The following MCC variants were observed in gnomAD, a reference collection of about 807,000 sequenced individuals.
MCC encodes the protein MCC regulator of Wnt signaling pathway.
MCC carries 90 observed loss-of-function variants against 116.2 expected under a neutral mutation model. The observed-to-expected ratio is 0.77, with a 90% confidence interval of 0.65 to 0.92. MCC has a LOEUF of 0.92. Ranked by LOEUF, MCC falls within the 40% of genes least tolerant of loss-of-function variation. The pLI is 0.00. For synonymous variants in MCC, 578 were observed against 510.5 expected, an observed-to-expected ratio of 1.13 and a Z score of -1.78; for missense variants, 1,516 against 1,312.2, an observed-to-expected ratio of 1.16 and a Z score of -2.40.
chr5:113,169,071 G>T (rs1179396196), intron 3 of MCC, among the ~76,000 whole-genome samples: 2 of 151,948 alleles, frequency 1.3e-5, no homozygotes, highest in Non-Finnish European at 1.5e-5. Flanking sequence ...CTCCCTTAAA[G>T]AAATCTTGAA....
intron 3 of MCC, among the ~76,000 whole-genome samples, chr5:113,247,900 G>C (rs1472264053): frequency 6.6e-6 from 1 of 152,114 alleles, no homozygotes; most frequent in Non-Finnish European, 1.5e-5. Context: ...GTCAGATGCT[G>C]AACTAAAGCC....
intron 1 of MCC, among the ~76,000 whole-genome samples, chr5:113,481,104 T>G (rs1244109902): frequency 6.6e-6 from 1 of 152,118 alleles, no homozygotes; most frequent in Admixed American, 6.6e-5. Context: ...TATGAAGAAG[T>G]TTTAGAATTA....
intron 2 of MCC, among the ~76,000 whole-genome samples, chr5:113,361,855 ACTCTTGGACTTCCACCAGCAACCC>A (rs1020965978): frequency 8.5e-5 from 13 of 152,058 alleles, no homozygotes; most frequent in African/African-American, 2.9e-4. Context: ...TGGCCTTGGG[ACTCTTGGACTTCCACCAGCAACCC>A]CTCTGGATCT....
chr5:113,089,387 T>G (rs1256806828), intron 8 of MCC, among the ~76,000 whole-genome samples: 1 of 152,230 alleles, frequency 6.6e-6, no homozygotes, highest in African/African-American at 2.4e-5. Flanking sequence ...GTTGTTACCC[T>G]CTGGTATTTC....
In MCC at chr5:113,180,521, A is replaced by G. The variant is rs533426345; in HGVS notation, c.628-29099T>C. On this transcript the variant is annotated intron_variant, in intron 3 of 18. Coordinates refer to ENST00000408903, the MANE Select transcript of MCC (RefSeq NM_001085377.2). ...TGAGATGAGAATAGATGGACAGGAG[A>G]CTATTCTTCTAGTTTGGGGGCTCTT... 9.9e-5 allele frequency among the ~76,000 whole-genome samples: 15 copies of G among 152,230 alleles called. No homozygotes were observed. In the South Asian group the frequency reaches 2.5e-3, roughly 25 times the overall value.
chr5:113,201,162 G>C (rs1199534548), intron 3 of MCC, among the ~76,000 whole-genome samples: 1 of 152,044 alleles, frequency 6.6e-6, no homozygotes, highest in Non-Finnish European at 1.5e-5. Context: ...GAGATGGGAG[G>C]ATCACCTGAG....
chr5:113,138,230 C>T (rs1222186911), intron 5 of MCC, among the ~76,000 whole-genome samples: 2 of 152,092 alleles, frequency 1.3e-5, no homozygotes, highest in Non-Finnish European at 2.9e-5. Context: ...AGGCTGATCT[C>T]AAACTCCTGT....
intron 10 of MCC, among the ~76,000 whole-genome samples, chr5:113,083,737 G>A (rs1431651561): frequency 6.6e-6 from 1 of 152,122 alleles, no homozygotes; most frequent in Non-Finnish European, 1.5e-5. Flanking sequence ...CCCCTTTCAA[G>A]ATGGATGTGC....
At chr5:113,479,888 G>C (rs914877245) in intron 1 of MCC, among the ~76,000 whole-genome samples, 2 of 152,110 alleles carry the variant, frequency 1.3e-5, no homozygotes, top group Admixed American at 6.5e-5. Flanking sequence ...ATCTCACAAA[G>C]GCTCTCTTTC....
intron 17 of MCC, among the ~76,000 whole-genome samples, chr5:113,030,595 G>A (rs1580875098): frequency 6.6e-6 from 1 of 152,074 alleles, no homozygotes; most frequent in Non-Finnish European, 1.5e-5. Flanking sequence ...TGGGAGGATC[G>A]CTTGAGTCCA....
chr5:113,151,177 G>C, intron 4 of MCC, 132 bp downstream of exon 4: 1 of 633,926 alleles, frequency 1.6e-6, no homozygotes, highest in Non-Finnish European at 2.8e-6. Flanking sequence ...AGCCAGAGCA[G>C]ACCAAGACAG....
chr5:113,172,611 G>A (rs1360254855), intron 3 of MCC, among the ~76,000 whole-genome samples: 1 of 152,168 alleles, frequency 6.6e-6, no homozygotes, highest in Non-Finnish European at 1.5e-5. Context: ...CTCCACCCAT[G>A]GCCATCTGTC....
At chr5:113,421,031 A>T (rs896907156) in intron 1 of MCC, among the ~76,000 whole-genome samples, 29 of 150,020 alleles carry the variant, frequency 1.9e-4, no homozygotes, top group African/African-American at 5.6e-4. Context: ...TTATTTATTT[A>T]TTTTTTTTTT....
intron 1 of MCC, among the ~76,000 whole-genome samples, chr5:113,409,540 T>C (rs1352120388): frequency 6.6e-6 from 1 of 152,050 alleles, no homozygotes; most frequent in Non-Finnish European, 1.5e-5. Flanking sequence ...CTTGTAAAGA[T>C]GGGGTCTCAC....
intron 6 of MCC, among the ~76,000 whole-genome samples, chr5:113,115,601 C>G (rs1424507551): frequency 1.3e-5 from 2 of 152,100 alleles, no homozygotes; most frequent in Non-Finnish European, 2.9e-5. Context: ...TCTAGGATCC[C>G]CTGCTCTGCT....
At chr5:113,344,276 C>T (rs115000016) in intron 2 of MCC, among the ~76,000 whole-genome samples, 4,896 of 152,218 alleles carry the variant, frequency 0.032, 111 homozygotes, top group East Asian at 0.075. Context: ...TCCCAGCAGT[C>T]GGAACTTGAG....
At chr5:113,087,797 T>TA (rs146528308) in intron 8 of MCC, among the ~76,000 whole-genome samples, 9 of 149,656 alleles carry the variant, frequency 6.0e-5, no homozygotes, top group Admixed American at 1.3e-4. Context: ...TATCTCTATT[T>TA]AAAAAAAAAT....
At chr5:113,089,042 G>A (rs926989160) in intron 8 of MCC, among the ~76,000 whole-genome samples, 1 of 152,212 alleles carries the variant, frequency 6.6e-6, no homozygotes, top group African/African-American at 2.4e-5. Flanking sequence ...GGCAGGGACT[G>A]ACACTTGCGG....
intron 5 of MCC, among the ~76,000 whole-genome samples, chr5:113,135,823 C>T (rs1758784660): frequency 6.6e-6 from 1 of 152,120 alleles, no homozygotes; most frequent in African/African-American, 2.4e-5. Flanking sequence ...GTGAGCAGAT[C>T]ACCTGAGGCC....
Sources: gnomAD v4.1 joint callset for allele counts (sites outside exome capture counted in the v4.1 genomes callset) on GRCh38, gnomAD v4.1.1 for gene constraint, MANE v1.5 for transcripts, NCBI Gene and HGNC (gene_info 2026-07-23, HGNC 2026-07-21) for gene names.